Variants in SMYD3 observed in about 807,000 individuals in gnomAD.
The protein encoded by SMYD3 is histone-lysine N-methyltransferase SMYD3.
Under a neutral mutation model 57.7 loss-of-function variants are expected in SMYD3, and 36 were observed. The ratio of observed to expected loss-of-function variants is 0.62; its 90% CI spans 0.48 to 0.82. SMYD3 has a LOEUF of 0.82. SMYD3 is among the 40% of genes least tolerant of loss of function. The pLI is 0.00. For synonymous variants in SMYD3, 211 were observed against 195.0 expected (o/e 1.08, Z -0.68); for missense variants, 515 against 538.8 (o/e 0.96, Z 0.44).
At chr1:245,858,421 G>A in intron 10 of SMYD3, 75 bp downstream of exon 10, 4 of 1,421,946 alleles carry the variant, frequency 2.8e-6, no homozygotes, top group Non-Finnish European at 3.8e-6. Context: ...TAATCAGAAT[G>A]ACTTCACAAC....
At chr1:245,804,418 T>C (rs1391495359) in intron 10 of SMYD3, among the ~76,000 whole-genome samples, 2 of 151,982 alleles carry the variant, frequency 1.3e-5, no homozygotes, top group Non-Finnish European at 2.9e-5. Context: ...CCATCTCTAC[T>C]AAAAATACGG....
chr1:245,965,674 G>A (rs2058125910), intron 5 of SMYD3, among the ~76,000 whole-genome samples: 1 of 152,184 alleles, frequency 6.6e-6, no homozygotes, highest in Non-Finnish European at 1.5e-5. Flanking sequence ...TGACATTATG[G>A]AAAAGGCGAA....
chr1:246,071,320 G>A (rs2060438243), intron 5 of SMYD3, among the ~76,000 whole-genome samples: 1 of 152,196 alleles, frequency 6.6e-6, no homozygotes, highest in African/African-American at 2.4e-5. Context: ...CTACTTCTAG[G>A]AAGGAGGGTA....
chr1:245,965,666 A>G (rs1558540629), intron 5 of SMYD3, among the ~76,000 whole-genome samples: 1 of 152,240 alleles, frequency 6.6e-6, no homozygotes, highest in East Asian at 1.9e-4. Context: ...CAACTGTATG[A>G]CATTATGGAA....
intron 6 of SMYD3, among the ~76,000 whole-genome samples, chr1:245,928,632 C>T (rs1373513958): frequency 6.6e-6 from 1 of 152,100 alleles, no homozygotes; most frequent in Non-Finnish European, 1.5e-5. Context: ...CGAGATCGCA[C>T]CACTGCACTC....
chr1:246,401,892 T>G (rs550205370), intron 1 of SMYD3, among the ~76,000 whole-genome samples: 3 of 151,940 alleles, frequency 2.0e-5, no homozygotes, highest in African/African-American at 7.3e-5. Flanking sequence ...CCGGCTAATT[T>G]TGTATTTTTA....
At chr1:245,930,163 GA>G (rs11295264) in intron 5 of SMYD3, 257,872 of 452,666 alleles carry the variant, frequency 0.57, 45,150 homozygotes, top group Middle Eastern at 0.69. Flanking sequence ...CCTCCTGGGA[GA>G]AAAAAAAAAA....
At chr1:246,299,999 C>G (rs924447974) in intron 5 of SMYD3, among the ~76,000 whole-genome samples, 6 of 151,360 alleles carry the variant, frequency 4.0e-5, no homozygotes, top group African/African-American at 1.5e-4. Flanking sequence ...CACATGTACC[C>G]CTGAACTTAA....
chr1:246,327,540 A>T (rs907108244), intron 4 of SMYD3, among the ~76,000 whole-genome samples: 2 of 152,228 alleles, frequency 1.3e-5, no homozygotes, highest in Non-Finnish European at 2.9e-5. Flanking sequence ...TTTTGTCTGC[A>T]ATGTAAGATC....
intron 1 of SMYD3, among the ~76,000 whole-genome samples, chr1:246,423,057 G>C (rs975004244): frequency 1.3e-5 from 2 of 152,138 alleles, no homozygotes; most frequent in East Asian, 1.9e-4. Flanking sequence ...CAATCACTTT[G>C]GGAGGCCAAG....
intron 1 of SMYD3, among the ~76,000 whole-genome samples, chr1:246,488,296 T>C (rs2068217936): frequency 1.3e-5 from 2 of 152,204 alleles, no homozygotes. Flanking sequence ...TATAGATCTC[T>C]GATACAGAAA....
chr1:246,402,462 G>A (rs2066789131), intron 1 of SMYD3, among the ~76,000 whole-genome samples: 1 of 151,572 alleles, frequency 6.6e-6, no homozygotes, highest in Non-Finnish European at 1.5e-5. Context: ...CTAAATAGAA[G>A]GGTTAGAGAG....
intron 5 of SMYD3, among the ~76,000 whole-genome samples, chr1:246,176,738 G>A (rs957075190): frequency 6.6e-6 from 1 of 152,070 alleles, no homozygotes; most frequent in African/African-American, 2.4e-5. Context: ...GTCCAGGCTG[G>A]TCTGAAACTC....
At chr1:246,081,771 A>C (rs2060640890) in intron 5 of SMYD3, among the ~76,000 whole-genome samples, 1 of 152,194 alleles carries the variant, frequency 6.6e-6, no homozygotes, top group Non-Finnish European at 1.5e-5. Flanking sequence ...GAAAAAATTT[A>C]AAATAACCTG....
intron 5 of SMYD3, among the ~76,000 whole-genome samples, chr1:246,060,467 G>A (rs1444088901): frequency 1.3e-5 from 2 of 151,794 alleles, no homozygotes; most frequent in Non-Finnish European, 2.9e-5. Context: ...TCCGTTTAAC[G>A]ACAAAAATGG....
chr1:246,067,730 C>T (rs1234087191), intron 5 of SMYD3, among the ~76,000 whole-genome samples: 1 of 152,160 alleles, frequency 6.6e-6, no homozygotes, highest in African/African-American at 2.4e-5. Flanking sequence ...CGTAACTGCA[C>T]AGCGACGATT....
chr1:246,429,526 A>G (rs572304963), intron 1 of SMYD3, among the ~76,000 whole-genome samples: 18 of 152,370 alleles, frequency 1.2e-4, no homozygotes, highest in African/African-American at 4.1e-4. Context: ...GTAAAAATCC[A>G]TAACTGCTTT....
intron 8 of SMYD3, among the ~76,000 whole-genome samples, chr1:245,900,056 A>G (rs1424049812): frequency 6.6e-6 from 1 of 152,148 alleles, no homozygotes; most frequent in Admixed American, 6.5e-5. Flanking sequence ...AGGTGAGACA[A>G]TTCCTTAGAA....
At chr1:245,753,251 G>GA (rs34929779) in intron 11 of SMYD3, among the ~76,000 whole-genome samples, 18,163 of 111,370 alleles carry the variant, frequency 0.16, 1,180 homozygotes, top group Admixed American at 0.23. Context: ...TGAAGCAACT[G>GA]AAAAAAAAAA....
Sources: allele counts gnomAD v4.1 joint callset (sites outside exome capture counted in the v4.1 genomes callset), GRCh38; gene constraint gnomAD v4.1.1; transcripts MANE v1.5; gene names NCBI Gene and HGNC (gene_info 2026-07-23, HGNC 2026-07-21).